WWP2: variants seen among roughly 807,000 people sequenced by gnomAD.
The protein encoded by WWP2 is NEDD4-like E3 ubiquitin-protein ligase WWP2.
WWP2 carries 57 observed loss-of-function variants against 121.0 expected under a neutral mutation model. The ratio of observed to expected loss-of-function variants is 0.47; its 90% CI spans 0.38 to 0.59. WWP2 has a LOEUF of 0.59. WWP2 is among the 20% of genes least tolerant of loss of function. WWP2 has a pLI of 0.00. For missense variants in WWP2, 962 were observed against 1,158.9 expected, an observed-to-expected ratio of 0.83 and a Z score of 2.47; for synonymous variants, 449 against 441.3, an observed-to-expected ratio of 1.02 and a Z score of -0.22.
At chr16:69,810,744 C>T (rs1567678910) in intron 4 of WWP2, among the ~76,000 whole-genome samples, 1 of 146,348 alleles carries the variant, frequency 6.8e-6, no homozygotes, top group Non-Finnish European at 1.5e-5. Flanking sequence ...CATCTTTTTA[C>T]TAGAGGAATT....
chr16:69,931,533 A>T lies in WWP2; in HGVS notation c.1546A>T (p.Lys516Ter). 1.2e-6 allele frequency: 2 copies of T among 1,613,564 alleles called. No homozygotes were observed. The highest frequency in any genetic ancestry group is 1.7e-6 in the Non-Finnish European group (2 of 1,179,908). ...CHSNALPSHVKISVSRQTLFE... is the reference protein window; with the variant it reads ...CHSNALPSHV ...GTCAAATGCCCTACCTAGCCACGTGAAGATCAGCGTTTCCAGGCAGACGCT... is the reference window on the plus strand; with the variant it reads ...GTCAAATGCCCTACCTAGCCACGTGTAGATCAGCGTTTCCAGGCAGACGCT... The change falls in exon 15 of 24, where the codon AAG becomes TAG. Residue 516 changes from lysine to a stop codon, truncating the protein, a stop_gained. Coordinates refer to ENST00000359154, the MANE Select transcript of WWP2 (RefSeq NM_001270454.2). LOFTEE classifies it high-confidence loss of function.
intron 7 of WWP2, among the ~76,000 whole-genome samples, chr16:69,872,732 A>G (rs1157698794): frequency 6.6e-6 from 1 of 152,186 alleles, no homozygotes; most frequent in East Asian, 1.9e-4. Flanking sequence ...GGGGGTGTGC[A>G]GGGGCCATCC....
chr16:69,790,392 G>A (rs777510267), intron 2 of WWP2, among the ~76,000 whole-genome samples: 4 of 152,138 alleles, frequency 2.6e-5, no homozygotes, highest in Non-Finnish European at 1.5e-5. Context: ...CAGTGGAAGT[G>A]GGTCATCATA....
At chr16:69,798,481 T>C (rs1302848374) in intron 2 of WWP2, among the ~76,000 whole-genome samples, 5 of 111,386 alleles carry the variant, frequency 4.5e-5, no homozygotes, top group Non-Finnish European at 7.0e-5. Flanking sequence ...AGGTTAGGGA[T>C]TTTTTTTTTT....
chr16:69,869,166 GCATGAGC>G (rs1460350916), intron 6 of WWP2, among the ~76,000 whole-genome samples: 1 of 152,138 alleles, frequency 6.6e-6, no homozygotes, highest in African/African-American at 2.4e-5. Context: ...GGGATTACAG[GCATGAGC>G]CACTGTGTGC....
intron 4 of WWP2, among the ~76,000 whole-genome samples, chr16:69,803,728 T>C (rs764640725): frequency 1.3e-5 from 2 of 152,146 alleles, no homozygotes; most frequent in African/African-American, 4.8e-5. Flanking sequence ...GCCAATATGG[T>C]GAGACCCTGT....
At chr16:69,841,362 G>C (rs974459397) in intron 5 of WWP2, among the ~76,000 whole-genome samples, 2 of 152,198 alleles carry the variant, frequency 1.3e-5, no homozygotes, top group African/African-American at 4.8e-5. Flanking sequence ...TGAGGAAGCT[G>C]AGACTTGGAG....
rs115591694 is a variant in WWP2 at position 69,795,709 on chromosome 16, G to A, written c.71-2973G>A. On this transcript the variant is annotated intron_variant, in intron 2 of 23. Transcript: ENST00000359154. ...CTCTCTCCATCACCCAGGCTGGAGT[G>A]TGGTCTCAGCTCACTGTAGCCTCCG... Among the ~76,000 whole-genome samples the A allele has an allele frequency of 5.9e-3, 766 of 130,692 alleles. 5 individuals are homozygous for A. Among genetic ancestry groups the A allele is most frequent in the African/African-American group, 0.021 (733 of 34,426 alleles). The allele number at this position is 130,692 out of a possible 152,430, so 85.7% of individuals were successfully genotyped here.
At chr16:69,929,817 A>G (rs2058687476) in intron 12 of WWP2, among the ~76,000 whole-genome samples, 1 of 152,164 alleles carries the variant, frequency 6.6e-6, no homozygotes, top group African/African-American at 2.4e-5. Context: ...GATTGCAAAA[A>G]GGTTGAGGGC....
chr16:69,835,969 AT>A (rs2056869761), intron 4 of WWP2, among the ~76,000 whole-genome samples: 1 of 151,820 alleles, frequency 6.6e-6, no homozygotes, highest in African/African-American at 2.4e-5. Context: ...TGCCTGGATA[AT>A]TTTTGTATTT....
intron 1 of WWP2, among the ~76,000 whole-genome samples, chr16:69,766,302 C>T (rs1446579445): frequency 6.6e-6 from 1 of 152,146 alleles, no homozygotes; most frequent in Non-Finnish European, 1.5e-5. Flanking sequence ...ATGCATCTTT[C>T]CCCTGGATGA....
Position 69,901,505 on chromosome 16 carries a change from C to T in WWP2, c.915-7256C>T, listed in dbSNP as rs528430781. Among the ~76,000 whole-genome samples, 5 of 152,190 alleles carry T rather than the reference C, an allele frequency of 3.3e-5. No individual in the cohort carries two copies. In the South Asian group the frequency reaches 1.0e-3, roughly 32 times the overall value. Reference sequence around the variant, plus strand: ...TCAGCTCATTGCAAGCTCTGCCTCCCGGGTTCATGCCATTCTCCTGCTTCA... The same window carrying T: ...TCAGCTCATTGCAAGCTCTGCCTCCTGGGTTCATGCCATTCTCCTGCTTCA... On this transcript the variant is annotated intron_variant, in intron 8 of 23. Coordinates refer to ENST00000359154, the MANE Select transcript of WWP2 (RefSeq NM_001270454.2).
chr16:69,887,935 A>C, intron 7 of WWP2, 104 bp from the exon 8 acceptor site: 1 of 1,383,758 alleles, frequency 7.2e-7, no homozygotes, highest in Non-Finnish European at 1.0e-6. Flanking sequence ...CATGTAGTGT[A>C]ACATTGTAGA....
At chr16:69,936,084 C>T (rs1027747664) in intron 18 of WWP2, 98 bp downstream of exon 18, 1 of 1,539,328 alleles carries the variant, frequency 6.5e-7, no homozygotes, top group African/African-American at 1.4e-5. Flanking sequence ...GCCAGTGTGG[C>T]CCCTGAGCTC....
rs746999045 is a variant in WWP2, at chr16:69,849,464, G to GTTATTTAT, written c.575+7358_575+7365dup. On this transcript the variant is annotated intron_variant, in intron 6 of 23. Coordinates refer to ENST00000359154, the MANE Select transcript of WWP2 (RefSeq NM_001270454.2). ...TGCTGGGGAAGACAATGGAATAAGTGTTATTTATTTATTTATTTATTCATT... is the reference window on the plus strand; with the variant it reads ...TGCTGGGGAAGACAATGGAATAAGTGTTATTTATTTATTTATTTATTTATTTATTCATT... Among the ~76,000 whole-genome samples the GTTATTTAT allele has an allele frequency of 8.2e-4, 115 of 140,086 alleles. 1 individual carries two copies. The highest frequency in any genetic ancestry group is 2.7e-3 in the African/African-American group (104 of 37,962). 91.9% of individuals were successfully genotyped at this position (140,086 alleles called of 152,430 possible).
chr16:69,909,380 T>C, intron 9 of WWP2: 1 of 986,350 alleles, frequency 1.0e-6, no homozygotes, highest in East Asian at 1.1e-4. Flanking sequence ...AGGGCTCCTG[T>C]ATAAAATATG....
At chr16:69,922,096 G>A (rs1361602271) in intron 10 of WWP2, among the ~76,000 whole-genome samples, 2 of 150,184 alleles carry the variant, frequency 1.3e-5, no homozygotes, top group East Asian at 3.9e-4. Flanking sequence ...AAAAAAAAAG[G>A]TAAAAGAAAC....
At position 69,838,934 on chromosome 16, in the gene WWP2, A is replaced by C. The variant is rs576436941; in HGVS notation, c.341-1192A>C. The C allele has an allele frequency of 1.0e-5, 10 of 976,476 alleles. No individual in the cohort carries two copies. In the African/African-American group the frequency reaches 1.8e-4, roughly 18 times the overall value. The allele number at this position is 976,476 out of a possible 1,614,324, so 60.5% of individuals were successfully genotyped here. On this transcript the variant is annotated intron_variant, in intron 4 of 23. Transcript: ENST00000359154. ...TTATAATAGATCTTTGACTTGATCCAGAATTTTCTGCTAAGTTCTTAAAGG... is the reference window on the plus strand; with the variant it reads ...TTATAATAGATCTTTGACTTGATCCCGAATTTTCTGCTAAGTTCTTAAAGG...
At chr16:69,829,533 C>T (rs2056758765) in intron 4 of WWP2, among the ~76,000 whole-genome samples, 2 of 152,156 alleles carry the variant, frequency 1.3e-5, no homozygotes, top group Non-Finnish European at 2.9e-5. Flanking sequence ...AGGACCTTTG[C>T]ACACAACATT....
Sources: gnomAD v4.1 joint callset for allele counts (sites outside exome capture counted in the v4.1 genomes callset) on GRCh38, gnomAD v4.1.1 for gene constraint, MANE v1.5 for transcripts, NCBI Gene and HGNC (gene_info 2026-07-23, HGNC 2026-07-21) for gene names.